The following DIP2B variants were observed in gnomAD, a reference collection of about 807,000 sequenced individuals.
The protein encoded by DIP2B is disco-interacting protein 2 homolog B.
A neutral mutation model predicts 198.0 loss-of-function variants in DIP2B; 76 were observed. The observed-to-expected ratio is 0.38, with a 90% CI of 0.32 to 0.46. The LOEUF (loss-of-function observed/expected upper bound fraction) is 0.46. DIP2B is among the 20% of genes least tolerant of loss of function. The pLI is 0.99. For missense variants in DIP2B, 1,559 were observed against 1,978.4 expected (o/e 0.79, Z 4.02); for synonymous variants, 701 against 739.1 (o/e 0.95, Z 0.84).
intron 1 of DIP2B, among the ~76,000 whole-genome samples, chr12:50,594,823 A>C (rs1008607884): frequency 3.0e-4 from 45 of 152,300 alleles, no homozygotes; most frequent in African/African-American, 1.0e-3. Flanking sequence ...TCTTGGTATT[A>C]TATCAGTTTA....
rs1565870488 is a variant in DIP2B at position 50,685,819 on chromosome 12, T to C, written c.1318-14T>C. On this transcript the variant is annotated splice_polypyrimidine_tract_variant and intron_variant, in intron 10 of 37. Coordinates refer to ENST00000301180, the MANE Select transcript of DIP2B (RefSeq NM_173602.3). ...TTCGCTCCCCTACCTATGTTCATTA[T>C]CATTTCTCCACAGGATGCTGGAGGT... 2 of 1,612,152 alleles carry C rather than the reference T, an allele frequency of 1.2e-6. No individual in the cohort carries two copies. Among genetic ancestry groups the C allele is most frequent in the Middle Eastern group, 1.7e-4 (1 of 6,056 alleles).
intron 1 of DIP2B, among the ~76,000 whole-genome samples, chr12:50,591,464 C>G (rs544433477): frequency 6.6e-6 from 1 of 151,734 alleles, no homozygotes; most frequent in South Asian, 2.1e-4. Context: ...TTATTTGAGA[C>G]ATTGTCTCTG....
At chr12:50,638,313 T>C (rs1162074662) in intron 2 of DIP2B, among the ~76,000 whole-genome samples, 2 of 152,238 alleles carry the variant, frequency 1.3e-5, no homozygotes, top group East Asian at 1.9e-4. Flanking sequence ...AGCAGAACAA[T>C]GAAATTGTAA....
rs551685196 is a variant in DIP2B, at chr12:50,683,894, G to T, written c.1317+646G>T. Among the ~76,000 whole-genome samples the T allele has an allele frequency of 3.3e-5, 5 of 152,186 alleles. No homozygotes were observed. In the South Asian group the frequency reaches 1.0e-3, roughly 32 times the overall value. On this transcript the variant is annotated intron_variant, in intron 10 of 37. Coordinates refer to ENST00000301180, the MANE Select transcript of DIP2B (RefSeq NM_173602.3). ...TGGGAGATTGAGGTGGGCGGGTTGC[G>T]TGAGCCCAGAAGGTTGAGAGCAGCC...
At chr12:50,623,068 T>A (rs965605460) in intron 1 of DIP2B, among the ~76,000 whole-genome samples, 3 of 152,048 alleles carry the variant, frequency 2.0e-5, no homozygotes, top group Non-Finnish European at 4.4e-5. Flanking sequence ...TCAGGCTTAG[T>A]TTTTAAAAAT....
intron 2 of DIP2B, among the ~76,000 whole-genome samples, chr12:50,633,785 C>G (rs1938107801): frequency 6.6e-6 from 1 of 151,954 alleles, no homozygotes; most frequent in Non-Finnish European, 1.5e-5. Flanking sequence ...GAAAAACTAA[C>G]TTAATTCAGT....
intron 1 of DIP2B, among the ~76,000 whole-genome samples, chr12:50,595,180 C>G (rs1958867922): frequency 6.6e-6 from 1 of 152,202 alleles, no homozygotes; most frequent in South Asian, 2.1e-4. Context: ...CAAAACCATG[C>G]TGACTCTGGT....
At chr12:50,723,102 T>C (rs556759936) in intron 26 of DIP2B, 100 bp from the exon 27 acceptor site, 2 of 1,477,480 alleles carry the variant, frequency 1.4e-6, no homozygotes, top group Middle Eastern at 2.4e-4. Flanking sequence ...ACAGAACCTG[T>C]CTGGCACATG....
At chr12:50,555,944 GC>G (rs1958466855) in intron 1 of DIP2B, among the ~76,000 whole-genome samples, 2 of 152,156 alleles carry the variant, frequency 1.3e-5, no homozygotes, top group South Asian at 2.1e-4. Flanking sequence ...ATTCTGAACA[GC>G]AGCAAAAACC....
chr12:50,718,901 A>G (rs368156539), intron 24 of DIP2B, 54 bp from the exon 25 acceptor site: 2 of 1,612,832 alleles, frequency 1.2e-6, no homozygotes, highest in Admixed American at 1.7e-5. Context: ...GATGCATTAT[A>G]TGACTTGTTA....
chr12:50,714,963 GT>G (rs1939688025), intron 23 of DIP2B, among the ~76,000 whole-genome samples: 1 of 152,178 alleles, frequency 6.6e-6, no homozygotes, highest in African/African-American at 2.4e-5. Flanking sequence ...GATGGAAAAG[GT>G]GTGTTAAGGC....
At chr12:50,650,210 CA>C (rs151185427) in intron 3 of DIP2B, among the ~76,000 whole-genome samples, 38 of 142,780 alleles carry the variant, frequency 2.7e-4, no homozygotes, top group Admixed American at 3.5e-4. Flanking sequence ...AACTCTGTCT[CA>C]AAAAAAAAAA....
chr12:50,537,569 A>G (rs1310251915), intron 1 of DIP2B, among the ~76,000 whole-genome samples: 2 of 152,172 alleles, frequency 1.3e-5, no homozygotes, highest in Admixed American at 1.3e-4. Flanking sequence ...TTGGGAGGAC[A>G]TTCGAGTGGC....
At chr12:50,617,217 G>A (rs916709064) in intron 1 of DIP2B, among the ~76,000 whole-genome samples, 8 of 151,146 alleles carry the variant, frequency 5.3e-5, no homozygotes, top group Non-Finnish European at 8.8e-5. Context: ...GTGCAGTGGC[G>A]CGATCTCGGC....
intron 4 of DIP2B, among the ~76,000 whole-genome samples, chr12:50,668,699 C>G (rs1017411613): frequency 3.3e-5 from 5 of 152,090 alleles, no homozygotes; most frequent in African/African-American, 9.7e-5. Flanking sequence ...GCCCACAAAT[C>G]CAATGGAGAT....
At chr12:50,579,749 A>G (rs1958706963) in intron 1 of DIP2B, among the ~76,000 whole-genome samples, 8 of 138,592 alleles carry the variant, frequency 5.8e-5, no homozygotes, top group African/African-American at 8.0e-5. Flanking sequence ...GTAATTTTGG[A>G]GAGACCCCCA....
chr12:50,726,116 G>A (rs1939928555), intron 28 of DIP2B, among the ~76,000 whole-genome samples: 1 of 152,160 alleles, frequency 6.6e-6, no homozygotes, highest in Non-Finnish European at 1.5e-5. Context: ...CACAAAGGGA[G>A]GTCAAAGGTG....
intron 1 of DIP2B, among the ~76,000 whole-genome samples, chr12:50,602,312 A>G (rs1958944167): frequency 6.6e-6 from 1 of 152,146 alleles, no homozygotes; most frequent in Admixed American, 6.6e-5. Flanking sequence ...TCTGTTGCCC[A>G]GGCTGGAGTG....
intron 1 of DIP2B, among the ~76,000 whole-genome samples, chr12:50,587,056 A>G (rs569326243): frequency 1.3e-5 from 2 of 152,212 alleles, no homozygotes; most frequent in Non-Finnish European, 2.9e-5. Flanking sequence ...ATTTTGAACC[A>G]TGGGTGAGTG....
Sources: allele counts gnomAD v4.1 joint callset (sites outside exome capture counted in the v4.1 genomes callset), GRCh38; gene constraint gnomAD v4.1.1; transcripts MANE v1.5; gene names NCBI Gene and HGNC (gene_info 2026-07-23, HGNC 2026-07-21).